KIAA0232: variants seen among roughly 807,000 people sequenced by gnomAD.
KIAA0232 encodes the protein uncharacterized protein KIAA0232.
A neutral mutation model predicts 122.0 loss-of-function variants in KIAA0232; 27 were observed. The observed-to-expected ratio is 0.22, with a 90% CI of 0.16 to 0.31. The LOEUF (loss-of-function observed/expected upper bound fraction) is 0.31. Among genes scored for constraint, KIAA0232 ranks in the 10% least tolerant of loss-of-function variants. The pLI is 1.00. For missense variants in KIAA0232, 1,551 were observed against 1,634.2 expected, an observed-to-expected ratio of 0.95 and a Z score of 0.88; for synonymous variants, 613 against 587.6, an observed-to-expected ratio of 1.04 and a Z score of -0.63.
chr4:6,807,028 G>GTCTA lies in KIAA0232; in HGVS notation c.-270+2425_-270+2426insATCT, dbSNP rs1452792244. Among the ~76,000 whole-genome samples, 811 of 113,178 alleles carry GTCTA rather than the reference G, an allele frequency of 7.2e-3. 11 individuals carry two copies. Among genetic ancestry groups the GTCTA allele is most frequent in the African/African-American group, 0.023 (741 of 32,772 alleles). The allele number at this position is 113,178 out of a possible 152,430, so 74.2% of individuals were successfully genotyped here. A position where few individuals can be genotyped will look rare whatever the true frequency, so the allele number is the denominator to read the frequency against. ...ATTGGTTTTTCCTTTTTGTCTGTCT[G>GTCTA]TCTGTCTATCTATCTATCTATCTAT... On this transcript the variant is annotated intron_variant, in intron 2 of 9. Transcript: ENST00000307659.
At position 6,824,367 on chromosome 4, in the gene KIAA0232, A is replaced by G. The variant is rs1718568721; in HGVS notation, c.-87A>G. ...TACATGTCAAGCATCTCTACTTTTT[A>G]CTGGAGTGAAAATCCCCTCCAGATA... is the stretch of plus-strand genomic sequence containing the variant. On this transcript the variant is annotated 5_prime_UTR_variant, in exon 3 of 10. Transcript: ENST00000307659. 2 of 1,075,106 alleles carry G rather than the reference A, an allele frequency of 1.9e-6. No individual in the cohort carries two copies. Among genetic ancestry groups the G allele is most frequent in the Admixed American group, 1.7e-5 (1 of 58,156 alleles). The allele number at this position is 1,075,106 out of a possible 1,614,324, so 66.6% of individuals were successfully genotyped here. A position where few individuals can be genotyped will look rare whatever the true frequency, so the allele number is the denominator to read the frequency against.
intron 2 of KIAA0232, among the ~76,000 whole-genome samples, chr4:6,813,446 T>A (rs532069392): frequency 3.7e-4 from 56 of 151,918 alleles, no homozygotes; most frequent in African/African-American, 1.3e-3. Flanking sequence ...CACTGCAAGC[T>A]CTGCCTCCCA....
At position 6,806,079 on chromosome 4, in the gene KIAA0232, T is replaced by C. The variant is rs1717602242; in HGVS notation, c.-270+1473T>C. 3.3e-5 allele frequency among the ~76,000 whole-genome samples: 5 copies of C among 152,298 alleles called. No homozygotes were observed. The South Asian group carries it at 1.0e-3, about 32-fold the overall frequency. On this transcript the variant is annotated intron_variant, in intron 2 of 9. Transcript: ENST00000307659. The stretch of plus-strand genomic sequence containing the variant: ...TTCCTCTTCCCCTTGGGCCCAAATG[T>C]TTTCTCCTTTTGTCCTGTAAAGTGT...
chr4:6,827,489 G>T (rs936754364), intron 3 of KIAA0232, among the ~76,000 whole-genome samples: 1 of 152,162 alleles, frequency 6.6e-6, no homozygotes, highest in Admixed American at 6.5e-5. Flanking sequence ...GCAGCCCCTC[G>T]AGTGGAGGCC....
chr4:6,814,786 A>C (rs1016418644), intron 2 of KIAA0232, among the ~76,000 whole-genome samples: 1 of 152,078 alleles, frequency 6.6e-6, no homozygotes, highest in Non-Finnish European at 1.5e-5. Context: ...TGTACTTTCC[A>C]CTCGCCATCC....
intron 1 of KIAA0232, among the ~76,000 whole-genome samples, chr4:6,792,302 T>C (rs1001303941): frequency 1.3e-5 from 2 of 152,190 alleles, no homozygotes; most frequent in Non-Finnish European, 1.5e-5. Flanking sequence ...GTTTTTGTTA[T>C]TTGTAACACA....
intron 3 of KIAA0232, among the ~76,000 whole-genome samples, chr4:6,827,714 G>A (rs1718766585): frequency 1.3e-5 from 2 of 152,210 alleles, no homozygotes; most frequent in Admixed American, 1.3e-4. Flanking sequence ...TCAGATCCTA[G>A]TCTTGTTTAA....
At chr4:6,790,353 CTTTT>C (rs1199936987) in intron 1 of KIAA0232, among the ~76,000 whole-genome samples, 4 of 137,262 alleles carry the variant, frequency 2.9e-5, no homozygotes, top group African/African-American at 1.1e-4. Context: ...CAAGCCCTTC[CTTTT>C]TTTATTTAAT....
chr4:6,841,987 G>T, intron 3 of KIAA0232, 80 bp from the exon 4 acceptor site: 7 of 1,515,716 alleles, frequency 4.6e-6, no homozygotes, highest in South Asian at 1.2e-5. Context: ...GCCTTTTTGT[G>T]ACTGAGTGTG....
rs1487034058 is a variant in KIAA0232 at position 6,824,049 on chromosome 4, G to T, written c.-269-136G>T. 1.6e-5 allele frequency: 6 copies of T among 372,598 alleles called. No homozygotes were observed. In the South Asian group the frequency reaches 5.0e-4, roughly 31 times the overall value. 23.1% of individuals were successfully genotyped at this position (372,598 alleles called of 1,614,324 possible). A position where few individuals can be genotyped will look rare whatever the true frequency, so the allele number is the denominator to read the frequency against. ...AGTTTAAAATATCAAAGATGATGGG[G>T]GGAAAAATCAGTGTTCTAAGATACC... On this transcript the variant is annotated intron_variant, in intron 2 of 9. Transcript: ENST00000307659.
intron 7 of KIAA0232, chr4:6,866,059 G>A (rs1194846758): frequency 5.2e-6 from 1 of 193,370 alleles, no homozygotes; most frequent in African/African-American, 2.4e-5. Flanking sequence ...ACCCGTAGAG[G>A]ATGAATTTAA....
At chr4:6,797,157 AAC>A in intron 1 of KIAA0232, among the ~76,000 whole-genome samples, 1 of 152,358 alleles carries the variant, frequency 6.6e-6, no homozygotes, top group East Asian at 1.9e-4. Context: ...GCAGTGTTTT[AAC>A]AGTTTTTTCC....
At chr4:6,783,674 CCTATGGCGCGGGGCGCGGCGCGGGGGG>C (rs1316586387) in intron 1 of KIAA0232, among the ~76,000 whole-genome samples, 3 of 150,178 alleles carry the variant, frequency 2.0e-5, no homozygotes, top group East Asian at 3.9e-4. Context: ...GGCGCGCCGG[CCTATGGCGCGGGGCGCGGCGCGGGGGG>C]CGGGCCTGGC....
At position 6,784,122 on chromosome 4, in the gene KIAA0232, T is replaced by G. The variant is rs533394270; in HGVS notation, c.-354+1281T>G. Among the ~76,000 whole-genome samples the G allele has an allele frequency of 3.1e-4, 47 of 152,040 alleles. No homozygotes were observed. The South Asian group carries it at 9.8e-3, about 32-fold the overall frequency. ...ACCCAGTTAAAAACAGGAGGGAGATTCAGCGGAGAGGAGGCATGCGAGATT... is the reference window on the plus strand; with the variant it reads ...ACCCAGTTAAAAACAGGAGGGAGATGCAGCGGAGAGGAGGCATGCGAGATT... On this transcript the variant is annotated intron_variant, in intron 1 of 9. Coordinates refer to ENST00000307659, the MANE Select transcript of KIAA0232 (RefSeq NM_014743.3).
chr4:6,824,351 A>G lies in KIAA0232; in HGVS notation c.-103A>G. 1 of 943,152 alleles carries G rather than the reference A, an allele frequency of 1.1e-6. No homozygotes were observed. The highest frequency in any genetic ancestry group is 2.4e-5 in the East Asian group (1 of 41,604). 58.4% of individuals were successfully genotyped at this position (943,152 alleles called of 1,614,324 possible). ...AAATAAATGCTTATCCTACATGTCA[A>G]GCATCTCTACTTTTTACTGGAGTGA... On this transcript the variant is annotated 5_prime_UTR_variant, in exon 3 of 10. Transcript: ENST00000307659.
chr4:6,823,323 T>A (rs1366987627), intron 2 of KIAA0232, among the ~76,000 whole-genome samples: 1 of 152,164 alleles, frequency 6.6e-6, no homozygotes, highest in Non-Finnish European at 1.5e-5. Context: ...CAAATGGTAT[T>A]TCTAGTTCTG....
At chr4:6,848,274 A>G (rs1720081056) in intron 4 of KIAA0232, among the ~76,000 whole-genome samples, 1 of 152,210 alleles carries the variant, frequency 6.6e-6, no homozygotes, top group African/African-American at 2.4e-5. Context: ...GTACAGGGTT[A>G]TATCTACAGA....
rs1233715225 is a variant in KIAA0232, at chr4:6,824,176, T to C, written c.-269-9T>C. ...AATGCATACTTTTTTTCCTCTCTCA[T>C]TTTTGTAGGTTCTGCCGGAGACTTC... On this transcript the variant is annotated splice_polypyrimidine_tract_variant and intron_variant, in intron 2 of 9. Transcript: ENST00000307659. 2.0e-6 allele frequency: 1 copy of C among 503,848 alleles called. No homozygotes were observed. Among genetic ancestry groups the C allele is most frequent in the African/African-American group, 1.9e-5 (1 of 52,998 alleles). 31.2% of individuals were successfully genotyped at this position (503,848 alleles called of 1,614,324 possible).
intron 7 of KIAA0232, among the ~76,000 whole-genome samples, chr4:6,864,993 A>G (rs1374690701): frequency 6.6e-6 from 1 of 152,202 alleles, no homozygotes; most frequent in Non-Finnish European, 1.5e-5. Flanking sequence ...AAATGCAACA[A>G]AATTTCTTCT....
Sources: gnomAD v4.1 joint callset for allele counts (sites outside exome capture counted in the v4.1 genomes callset) on GRCh38, gnomAD v4.1.1 for gene constraint, MANE v1.5 for transcripts, NCBI Gene and HGNC (gene_info 2026-07-23, HGNC 2026-07-21) for gene names.